CEP89: variants seen among roughly 807,000 people sequenced by gnomAD.
CEP89 encodes centrosomal protein 89, also known as centrosomal protein of 89 kDa.
CEP89 carries 95 observed loss-of-function variants against 97.6 expected under a neutral mutation model. The ratio of observed to expected loss-of-function variants is 0.97; its 90% CI spans 0.82 to 1.15. The LOEUF is 1.15. Among genes scored for constraint, CEP89 ranks in the 50% most tolerant of loss-of-function variants. The pLI is 0.00. For missense variants in CEP89, 869 were observed against 947.7 expected (o/e 0.92, Z 1.09); for synonymous variants, 354 against 349.1 (o/e 1.01, Z -0.16).
At chr19:32,970,078 G>A (rs1361465956) in intron 1 of CEP89, 1 of 152,272 alleles carries the variant, frequency 6.6e-6, no homozygotes, top group Non-Finnish European at 1.5e-5. Context: ...TCAGCACTCA[G>A]CGTGGGCTTC....
chr19:32,966,109 T>A (rs73579729), intron 2 of CEP89: 7,754 of 361,552 alleles, frequency 0.021, 142 homozygotes, highest in South Asian at 0.059. Flanking sequence ...CATTTTTTTT[T>A]AAATACTCAT....
chr19:32,915,464 C>T lies in CEP89; in HGVS notation c.1438G>A (p.Glu480Lys). Residue 480 changes from glutamate (E) to lysine (K), a missense_variant, in exon 14 of 19, where the codon GAA becomes AAA. By Grantham distance (56) the Glu-to-Lys change is moderately conservative. Coordinates refer to ENST00000305768, the MANE Select transcript of CEP89 (RefSeq NM_032816.5). ...TCCCTGTTCTCCGCCAGCTCCTTTTCCTGGCCGTGGGTTTTTGCCTCCAGG... is the reference window on the plus strand; with the variant it reads ...TCCCTGTTCTCCGCCAGCTCCTTTTTCTGGCCGTGGGTTTTTGCCTCCAGG... ...MLLEAKTHGQ[E>K]KELAENREQL... is the part of the protein sequence containing the mutation. The T allele has an allele frequency of 1.2e-6, 2 of 1,613,452 alleles. No individual in the cohort carries two copies. The highest frequency in any genetic ancestry group is 1.7e-6 in the Non-Finnish European group (2 of 1,179,920).
intron 16 of CEP89, among the ~76,000 whole-genome samples, chr19:32,896,079 A>C (rs771811738): frequency 2.0e-5 from 3 of 152,206 alleles, no homozygotes; most frequent in African/African-American, 4.8e-5. Context: ...CCCTATCAGA[A>C]CATCAATGAC....
chr19:32,919,161 A>G (rs1970196887), intron 12 of CEP89, among the ~76,000 whole-genome samples: 1 of 152,126 alleles, frequency 6.6e-6, no homozygotes, highest in Admixed American at 6.6e-5. Flanking sequence ...CTGGGATTAT[A>G]GGCATGAGCC....
chr19:32,886,158 G>A (rs1256089406), intron 17 of CEP89, among the ~76,000 whole-genome samples: 1 of 152,148 alleles, frequency 6.6e-6, no homozygotes, highest in Non-Finnish European at 1.5e-5. Flanking sequence ...GGTTCACTTT[G>A]GAGTATAGTT....
At chr19:32,912,524 T>G (rs960180014) in intron 14 of CEP89, among the ~76,000 whole-genome samples, 3 of 152,306 alleles carry the variant, frequency 2.0e-5, no homozygotes, top group East Asian at 3.9e-4. Context: ...AATTTTGAGC[T>G]TGCCTGCCCC....
chr19:32,894,068 C>T (rs535187833), intron 16 of CEP89, among the ~76,000 whole-genome samples: 2 of 152,218 alleles, frequency 1.3e-5, no homozygotes, highest in East Asian at 3.9e-4. Flanking sequence ...CAGGGTGAAA[C>T]GTTCTTATAG....
intron 2 of CEP89, among the ~76,000 whole-genome samples, chr19:32,961,414 CAAAAAAA>C (rs5827831): frequency 6.0e-5 from 8 of 133,950 alleles, no homozygotes; most frequent in Non-Finnish European, 8.1e-5. Context: ...ACCAAAAATA[CAAAAAAA>C]AAAAAAAATT....
At chr19:32,889,865 G>A (rs983539680) in intron 16 of CEP89, among the ~76,000 whole-genome samples, 17 of 152,086 alleles carry the variant, frequency 1.1e-4, no homozygotes, top group African/African-American at 3.9e-4. Context: ...TCCATGTCCC[G>A]GTGAGGAAGG....
intron 18 of CEP89, 141 bp downstream of exon 18, chr19:32,881,703 A>G: frequency 4.0e-6 from 3 of 753,362 alleles, no homozygotes; most frequent in South Asian, 2.3e-5. Context: ...CTTGAGACCA[A>G]TATTACATTC....
chr19:32,911,837 A>G (rs1166756980), intron 14 of CEP89, among the ~76,000 whole-genome samples: 1 of 152,182 alleles, frequency 6.6e-6, no homozygotes, highest in Non-Finnish European at 1.5e-5. Flanking sequence ...ACAGAAGTCA[A>G]TAGGTATTCA....
intron 2 of CEP89, among the ~76,000 whole-genome samples, chr19:32,962,737 T>C (rs1414888870): frequency 2.0e-5 from 3 of 152,194 alleles, no homozygotes; most frequent in Non-Finnish European, 1.5e-5. Flanking sequence ...AAAAGACTTG[T>C]ATTGATACTA....
chr19:32,902,578 C>T (rs1472417901), intron 14 of CEP89, among the ~76,000 whole-genome samples: 4 of 152,144 alleles, frequency 2.6e-5, no homozygotes, highest in South Asian at 2.1e-4. Flanking sequence ...GGACAACAGG[C>T]GAGGCAGGAC....
intron 12 of CEP89, among the ~76,000 whole-genome samples, chr19:32,922,206 CAGGT>C (rs1359247070): frequency 6.6e-6 from 1 of 152,104 alleles, no homozygotes; most frequent in Non-Finnish European, 1.5e-5. Flanking sequence ...CGCAGTGTGG[CAGGT>C]ACCGGGACAG....
At chr19:32,882,825 G>C (rs1279220063) in intron 17 of CEP89, among the ~76,000 whole-genome samples, 1 of 152,018 alleles carries the variant, frequency 6.6e-6, no homozygotes, top group Non-Finnish European at 1.5e-5. Flanking sequence ...TTACTGTATA[G>C]TACTGAAGGT....
chr19:32,898,867 G>A (rs868263713), intron 16 of CEP89, among the ~76,000 whole-genome samples: 16 of 135,078 alleles, frequency 1.2e-4, no homozygotes, highest in African/African-American at 2.0e-4. Context: ...GGGTGACAGC[G>A]TGAGACTCCA....
chr19:32,906,556 T>C (rs931911733), intron 14 of CEP89, among the ~76,000 whole-genome samples: 2 of 152,030 alleles, frequency 1.3e-5, no homozygotes, highest in African/African-American at 4.8e-5. Context: ...TTTATCTATA[T>C]ATTTACCACT....
intron 14 of CEP89, 67 bp from the exon 15 acceptor site, chr19:32,901,479 C>T (rs578215832): frequency 2.4e-5 from 37 of 1,517,964 alleles, no homozygotes; most frequent in Middle Eastern, 1.7e-4. Flanking sequence ...AGTCACATAA[C>T]GAGGAAGATG....
intron 4 of CEP89, among the ~76,000 whole-genome samples, chr19:32,950,396 T>C (rs1248938671): frequency 6.6e-6 from 1 of 152,084 alleles, no homozygotes; most frequent in Non-Finnish European, 1.5e-5. Context: ...TTGTCTCTAC[T>C]AAAAATATAA....
Sources: gnomAD v4.1 joint callset for allele counts (sites outside exome capture counted in the v4.1 genomes callset) on GRCh38, gnomAD v4.1.1 for gene constraint, MANE v1.5 for transcripts, NCBI Gene and HGNC (gene_info 2026-07-23, HGNC 2026-07-21) for gene names.